CSGALNACT1: variants seen among roughly 807,000 people sequenced by gnomAD.
The protein encoded by CSGALNACT1 is beta4GalNAcT-1.
In CSGALNACT1, 52 loss-of-function variants were observed where a neutral mutation model predicts 51.0. That is an observed-to-expected ratio of 1.02 (90% confidence interval 0.82 to 1.29). The LOEUF (loss-of-function observed/expected upper bound fraction) is 1.29, where lower values mean the gene tolerates loss of function less well. Among genes scored for constraint, CSGALNACT1 ranks in the 50% most tolerant of loss-of-function variants. The pLI is 0.00. For missense variants in CSGALNACT1, 935 were observed against 679.2 expected (o/e 1.38, Z -4.19); for synonymous variants, 341 against 254.4 (o/e 1.34, Z -3.24).
At chr8:19,642,645 G>A (rs975689850) in intron 1 of CSGALNACT1, among the ~76,000 whole-genome samples, 4 of 152,060 alleles carry the variant, frequency 2.6e-5, no homozygotes, top group Non-Finnish European at 4.4e-5. Flanking sequence ...AGCTGGGCAT[G>A]GTGGCACACA....
At chr8:19,490,019 G>A (rs78163377) in intron 4 of CSGALNACT1, among the ~76,000 whole-genome samples, 6 of 152,138 alleles carry the variant, frequency 3.9e-5, no homozygotes, top group Non-Finnish European at 7.4e-5. Flanking sequence ...ATTACCACAT[G>A]GGCCAGCTGC....
intron 3 of CSGALNACT1, among the ~76,000 whole-genome samples, chr8:19,550,956 C>T (rs1463527604): frequency 1.3e-5 from 2 of 152,200 alleles, no homozygotes; most frequent in Non-Finnish European, 2.9e-5. Flanking sequence ...TTTGTCCAGA[C>T]ACGTGGTTAG....
chr8:19,557,229 C>A lies in CSGALNACT1; in HGVS notation c.-297+33931G>T, dbSNP rs2039667260. Among the ~76,000 whole-genome samples the A allele has an allele frequency of 3.3e-5, 5 of 152,264 alleles. No individual in the cohort carries two copies. The South Asian group carries it at 1.0e-3, about 32-fold the overall frequency. On this transcript the variant is annotated intron_variant, in intron 3 of 9. Transcript: ENST00000454498. ...TCCTACCCAGAATCTCCTGGTCTAC[C>A]CGGAATCCCTGTCTACCCATAATTC... is the stretch of plus-strand genomic sequence containing the variant.
intron 6 of CSGALNACT1, among the ~76,000 whole-genome samples, chr8:19,432,883 T>C (rs1220850859): frequency 6.6e-6 from 1 of 152,178 alleles, no homozygotes; most frequent in East Asian, 1.9e-4. Context: ...ATATACTTAA[T>C]ACAACTGATT....
At chr8:19,465,382 T>A (rs1163468723) in intron 4 of CSGALNACT1, among the ~76,000 whole-genome samples, 1 of 151,802 alleles carries the variant, frequency 6.6e-6, no homozygotes, top group Non-Finnish European at 1.5e-5. Context: ...GGGTACAGAG[T>A]TTCTGTTTGA....
intron 1 of CSGALNACT1, among the ~76,000 whole-genome samples, chr8:19,752,228 C>T (rs545544093): frequency 6.7e-6 from 1 of 148,622 alleles, no homozygotes; most frequent in South Asian, 2.1e-4. Flanking sequence ...AAAATATATA[C>T]ACACACATAT....
intron 1 of CSGALNACT1, among the ~76,000 whole-genome samples, chr8:19,632,360 A>G (rs188148306): frequency 1.8e-4 from 27 of 152,366 alleles, no homozygotes; most frequent in South Asian, 4.1e-4. Context: ...TTTCTCAACT[A>G]TCTATCTGCC....
chr8:19,631,795 A>C (rs1466101576), intron 1 of CSGALNACT1, among the ~76,000 whole-genome samples: 1 of 152,206 alleles, frequency 6.6e-6, no homozygotes, highest in Non-Finnish European at 1.5e-5. Flanking sequence ...TGTGTTTTGC[A>C]AAGCTTCTCA....
At chr8:19,685,758 C>T (rs750764788), upstream of CSGALNACT1, among the ~76,000 whole-genome samples, 5 of 152,186 alleles carry the variant, frequency 3.3e-5, no homozygotes, top group Middle Eastern at 3.4e-3. Context: ...ATCTGACAGG[C>T]AGGTATTTCA....
intron 1 of CSGALNACT1, among the ~76,000 whole-genome samples, chr8:19,720,077 G>C (rs1202965187): frequency 6.6e-6 from 1 of 152,224 alleles, no homozygotes; most frequent in Admixed American, 6.5e-5. Flanking sequence ...TTGCAAACCT[G>C]AGAATGATGA....
intron 1 of CSGALNACT1, among the ~76,000 whole-genome samples, chr8:19,664,995 T>A (rs571654146): frequency 6.6e-6 from 1 of 152,172 alleles, no homozygotes; most frequent in Non-Finnish European, 1.5e-5. Context: ...AGTACATTCA[T>A]GTAACAAAAA....
At chr8:19,445,816 T>C (rs1171764299) in intron 5 of CSGALNACT1, among the ~76,000 whole-genome samples, 1 of 152,110 alleles carries the variant, frequency 6.6e-6, no homozygotes, top group Non-Finnish European at 1.5e-5. Flanking sequence ...TGGAAAGGTG[T>C]GTGTGTGAGA....
intron 1 of CSGALNACT1, among the ~76,000 whole-genome samples, chr8:19,681,259 C>A (rs897196928): frequency 1.3e-5 from 2 of 152,046 alleles, no homozygotes; most frequent in Non-Finnish European, 2.9e-5. Flanking sequence ...AGGAAAGGAA[C>A]AGAGTAAGAA....
chr8:19,686,093 A>G (rs1255383920), upstream of CSGALNACT1, among the ~76,000 whole-genome samples: 1 of 152,186 alleles, frequency 6.6e-6, no homozygotes, highest in Non-Finnish European at 1.5e-5. Flanking sequence ...GGCACAGTTA[A>G]TTCTTTTTCT....
intron 5 of CSGALNACT1, among the ~76,000 whole-genome samples, chr8:19,456,878 A>G (rs1282960681): frequency 1.3e-5 from 2 of 152,246 alleles, no homozygotes; most frequent in African/African-American, 4.8e-5. Context: ...AGACTAGGGG[A>G]GTTGTGATGA....
At chr8:19,557,236 C>A (rs1481415669) in intron 3 of CSGALNACT1, among the ~76,000 whole-genome samples, 1 of 152,152 alleles carries the variant, frequency 6.6e-6, no homozygotes, top group Non-Finnish European at 1.5e-5. Flanking sequence ...TACCCGGAAT[C>A]CCTGTCTACC....
chr8:19,496,386 C>A (rs1215282645), intron 4 of CSGALNACT1, among the ~76,000 whole-genome samples: 2 of 152,184 alleles, frequency 1.3e-5, no homozygotes, highest in Non-Finnish European at 2.9e-5. Flanking sequence ...AAAAACAACA[C>A]ACCTCAGTTC....
upstream of CSGALNACT1, among the ~76,000 whole-genome samples, chr8:19,606,646 C>CG (rs1212356075): frequency 6.6e-6 from 1 of 152,192 alleles, no homozygotes; most frequent in African/African-American, 2.4e-5. Context: ...GCAGACTCAA[C>CG]GGAAACATAT....
intron 3 of CSGALNACT1, among the ~76,000 whole-genome samples, chr8:19,540,133 G>C (rs1413905863): frequency 6.6e-6 from 1 of 152,070 alleles, no homozygotes; most frequent in African/African-American, 2.4e-5. Context: ...TATTCCCATG[G>C]CATGTGTTTT....
Sources: allele counts gnomAD v4.1 joint callset (sites outside exome capture counted in the v4.1 genomes callset), GRCh38; gene constraint gnomAD v4.1.1; transcripts MANE v1.5; gene names NCBI Gene and HGNC (gene_info 2026-07-23, HGNC 2026-07-21).